APC: variants seen among roughly 807,000 people sequenced by gnomAD.
APC encodes adenomatous polyposis coli protein.
APC carries 72 observed loss-of-function variants against 247.0 expected under a neutral mutation model. The observed-to-expected ratio is 0.29, with a 90% CI of 0.24 to 0.35. The LOEUF is 0.35. APC is among the 10% of genes least tolerant of loss of function. APC has a pLI of 1.00. For synonymous variants in APC, 1,254 were observed against 1,162.5 expected (o/e 1.08, Z -1.60); for missense variants, 3,400 against 3,360.7 (o/e 1.01, Z -0.29).
chr5:112,710,069 C>G (rs893337427), intron 1 of APC, among the ~76,000 whole-genome samples: 40 of 152,258 alleles, frequency 2.6e-4, no homozygotes, highest in Middle Eastern at 3.4e-3. Context: ...ATCCCATGAT[C>G]ATCAGCTTTT....
At chr5:112,784,424 T>G (rs1758718769) in intron 6 of APC, among the ~76,000 whole-genome samples, 1 of 152,232 alleles carries the variant, frequency 6.6e-6, no homozygotes, top group Non-Finnish European at 1.5e-5. Context: ...GAGGACAATT[T>G]GGCATTATTT....
chr5:112,738,525 T>G, intron 1 of APC: 5 of 982,440 alleles, frequency 5.1e-6, no homozygotes, highest in Non-Finnish European at 6.0e-6. Flanking sequence ...TGTGCCTGCT[T>G]TTGTAAAACA....
chr5:112,789,384 A>C (rs190126998), intron 6 of APC, among the ~76,000 whole-genome samples: 40 of 152,258 alleles, frequency 2.6e-4, no homozygotes, highest in Non-Finnish European at 2.8e-4. Context: ...AGGGATTAGG[A>C]ATACTCAAGG....
Position 112,826,506 on chromosome 5 carries a change from C to T in APC, c.1409-602C>T, listed in dbSNP as rs141264321. ...TATAGTTAATATTTGATATTATCAA[C>T]GAGAAGTAAGAAATGTTTTGAAAAA... is the stretch of plus-strand genomic sequence containing the variant. On this transcript the variant is annotated intron_variant, in intron 11 of 15. Coordinates refer to ENST00000257430, the MANE Select transcript of APC (RefSeq NM_000038.6). Among the ~76,000 whole-genome samples the T allele has an allele frequency of 4.6e-3, 671 of 147,150 alleles. 3 individuals are homozygous for T. Among genetic ancestry groups the T allele is most frequent in the Middle Eastern group, 0.012 (3 of 260 alleles).
chr5:112,794,377 A>G (rs2149690689), intron 7 of APC, among the ~76,000 whole-genome samples: 1 of 152,162 alleles, frequency 6.6e-6, no homozygotes, highest in Middle Eastern at 3.4e-3. Flanking sequence ...ACTGCGCCTG[A>G]CCCCTGTTAA....
intron 1 of APC, among the ~76,000 whole-genome samples, chr5:112,754,447 G>A (rs1354246132): frequency 6.6e-6 from 1 of 152,008 alleles, no homozygotes; most frequent in African/African-American, 2.4e-5. Flanking sequence ...ATCCATTCTG[G>A]CTCTAAAATT....
At position 112,838,352 on chromosome 5, in the gene APC, A is replaced by G. The variant is rs1561579442; in HGVS notation, c.2758A>G (p.Asn920Asp). The change falls in exon 16 of 16, where the codon AAT becomes GAT. Residue 920 changes from asparagine (N) to aspartate (D), a missense_variant. Asn to Asp is a conservative substitution (Grantham distance 23). Around this residue, in one of 9 missense-constraint regions of APC, gnomAD observed 715 missense variants for 656.6 expected, o/e 1.09. Transcript: ENST00000257430. ...TELHCVTDER[N>D]ALRRSSAAHT... ...ATTACATTGTGTGACAGATGAGAGA[A>G]ATGCACTTAGAAGAAGCTCTGCTGC... The G allele has an allele frequency of 1.2e-6, 2 of 1,614,190 alleles. No homozygotes were observed. Among genetic ancestry groups the G allele is most frequent in the Non-Finnish European group, 1.7e-6 (2 of 1,180,030 alleles).
intron 1 of APC, among the ~76,000 whole-genome samples, chr5:112,715,308 A>G (rs1476732393): frequency 6.6e-6 from 1 of 152,218 alleles, no homozygotes; most frequent in Non-Finnish European, 1.5e-5. Flanking sequence ...TGGGGGACAT[A>G]GTCAATAAAT....
At chr5:112,777,547 A>T (rs902859538) in intron 5 of APC, 1 of 162,488 alleles carries the variant, frequency 6.2e-6, no homozygotes, top group African/African-American at 2.4e-5. Context: ...TACTTTCAAA[A>T]CAAACATACC....
rs760166803 is a variant in APC at position 112,834,948 on chromosome 5, T to C, written c.1744-3T>C. The C allele has an allele frequency of 5.0e-6, 8 of 1,613,452 alleles. No homozygotes were observed. The South Asian group carries it at 5.5e-5, about 11-fold the overall frequency. The stretch of plus-strand genomic sequence containing the variant: ...AGATGACCCATATTCTGTTTCTTAC[T>C]AGGAATCAACCCTCAAAAGCGTATT... On this transcript the variant is annotated splice_polypyrimidine_tract_variant and splice_region_variant and intron_variant, in intron 14 of 15. Transcript: ENST00000257430.
intron 7 of APC, among the ~76,000 whole-genome samples, chr5:112,794,954 G>T (rs969540618): frequency 1.3e-5 from 2 of 152,228 alleles, no homozygotes; most frequent in Non-Finnish European, 2.9e-5. Context: ...TAGGAATGGG[G>T]ATGGGGGTGC....
chr5:112,837,529 T>C (rs2149857163), intron 15 of APC, 24 bp from the exon 16 acceptor site: 1 of 1,578,790 alleles, frequency 6.3e-7, no homozygotes, highest in African/African-American at 1.3e-5. Context: ...ACCTTAATTT[T>C]GTGATCTCTT....
intron 1 of APC, among the ~76,000 whole-genome samples, chr5:112,742,932 A>G (rs1581080665): frequency 2.0e-5 from 3 of 152,296 alleles, no homozygotes; most frequent in Admixed American, 2.0e-4. Context: ...ATTGTTTCCT[A>G]TTGCTGTTGT....
intron 7 of APC, among the ~76,000 whole-genome samples, chr5:112,796,994 A>G (rs543131261): frequency 1.6e-4 from 24 of 152,126 alleles, no homozygotes; most frequent in Non-Finnish European, 2.2e-4. Flanking sequence ...CTTCAATTTC[A>G]TTGTAGTACC....
upstream of APC, among the ~76,000 whole-genome samples, chr5:112,734,612 T>G (rs1752273171): frequency 6.6e-6 from 1 of 152,210 alleles, no homozygotes; most frequent in African/African-American, 2.4e-5. Flanking sequence ...CGATTAAGTT[T>G]ATCAGTAAAG....
intron 14 of APC, among the ~76,000 whole-genome samples, chr5:112,834,512 G>A (rs1002366298): frequency 1.3e-5 from 2 of 151,988 alleles, no homozygotes; most frequent in African/African-American, 4.8e-5. Flanking sequence ...CAAAGTGCTG[G>A]GATTACAGGC....
At chr5:112,808,152 C>G (rs1349027227) in intron 8 of APC, among the ~76,000 whole-genome samples, 3 of 151,890 alleles carry the variant, frequency 2.0e-5, no homozygotes, top group Non-Finnish European at 4.4e-5. Context: ...GAGACTCTGC[C>G]TCAAAAAAAT....
chr5:112,803,497 G>A (rs1761046843), intron 8 of APC, among the ~76,000 whole-genome samples: 1 of 152,260 alleles, frequency 6.6e-6, no homozygotes, highest in Non-Finnish European at 1.5e-5. Context: ...AAGTCTCTGA[G>A]CTTTAGTGTT....
At chr5:112,834,320 C>A (rs1764634380) in intron 14 of APC, among the ~76,000 whole-genome samples, 1 of 149,482 alleles carries the variant, frequency 6.7e-6, no homozygotes, top group African/African-American at 2.5e-5. Flanking sequence ...CGGCTCACTG[C>A]GACCTCTGCC....
Sources: gnomAD v4.1 joint callset for allele counts (sites outside exome capture counted in the v4.1 genomes callset) on GRCh38, gnomAD v4.1.1 for gene constraint, gnomAD v4.1.1 regional missense constraint, MANE v1.5 for transcripts, NCBI Gene and HGNC (gene_info 2026-07-23, HGNC 2026-07-21) for gene names.